Variants in NCOA1 observed in about 807,000 individuals in gnomAD.
NCOA1 encodes Hin-2 protein.
NCOA1 carries 35 observed loss-of-function variants against 150.9 expected under a neutral mutation model. That is an observed-to-expected ratio of 0.23 (90% CI 0.18 to 0.31). The LOEUF is 0.31. NCOA1 is among the 10% of genes least tolerant of loss of function. The probability of loss-of-function intolerance (pLI) is 1.00; values close to 1 mark genes in which losing one functional copy is unlikely to be tolerated. For missense variants in NCOA1, 1,491 were observed against 1,749.3 expected (o/e 0.85, Z 2.63); for synonymous variants, 590 against 630.0 (o/e 0.94, Z 0.95).
At chr2:24,505,263 C>T (rs976672030) in intron 1 of NCOA1, among the ~76,000 whole-genome samples, 3 of 151,578 alleles carry the variant, frequency 2.0e-5, no homozygotes, top group Non-Finnish European at 4.4e-5. Flanking sequence ...CTCGGCTCAC[C>T]GCAACCTCCG....
intron 6 of NCOA1, among the ~76,000 whole-genome samples, chr2:24,672,975 A>G (rs947532209): frequency 8.5e-5 from 13 of 152,192 alleles, no homozygotes; most frequent in Non-Finnish European, 1.5e-4. Flanking sequence ...TCTCTCTTCA[A>G]TGGCACTTGA....
Position 24,739,495 on chromosome 2 carries a change from A to G in NCOA1, c.3265A>G (p.Asn1089Asp), listed in dbSNP as rs773024847. Reference sequence around the variant, plus strand: ...TGCAGCAACTGCTCCTGTTGGCATCAATATGAGATCAGGCATGCAACAGCA... The same window carrying G: ...TGCAGCAACTGCTCCTGTTGGCATCGATATGAGATCAGGCATGCAACAGCA... ...QFAATAPVGI[N>D]MRSGMQQQIT... Residue 1089 changes from asparagine to aspartate, a missense_variant, in exon 18 of 23, where the codon AAT becomes GAT. By Grantham distance (23) the Asn-to-Asp change is conservative (BLOSUM62 1). Transcript: ENST00000348332. 1.7e-5 allele frequency: 28 copies of G among 1,613,860 alleles called. No individual in the cohort carries two copies. The highest frequency in any genetic ancestry group is 2.4e-5 in the Non-Finnish European group (28 of 1,179,870).
intron 2 of NCOA1, among the ~76,000 whole-genome samples, chr2:24,569,977 A>G (rs544152637): frequency 1.4e-4 from 22 of 151,850 alleles, no homozygotes; most frequent in African/African-American, 5.3e-4. Context: ...AAATGCAAGC[A>G]GAAAGTAGAT....
chr2:24,516,825 C>CTT (rs200648189), intron 1 of NCOA1, among the ~76,000 whole-genome samples: 6,672 of 115,774 alleles, frequency 0.058, 322 homozygotes, highest in East Asian at 0.17. Flanking sequence ...ATCCAGCTTT[C>CTT]TTTTTTTTTT....
intron 10 of NCOA1, among the ~76,000 whole-genome samples, chr2:24,693,711 T>C (rs1311604612): frequency 1.3e-5 from 2 of 150,612 alleles, no homozygotes; most frequent in African/African-American, 4.9e-5. Flanking sequence ...TTTACTATTA[T>C]GCTTAAACGT....
At chr2:24,560,030 T>A (rs1444707695) in intron 1 of NCOA1, among the ~76,000 whole-genome samples, 1 of 152,156 alleles carries the variant, frequency 6.6e-6, no homozygotes, top group Non-Finnish European at 1.5e-5. Context: ...AGACACCTCC[T>A]GCACACTTCC....
At chr2:24,577,308 A>G (rs1004051177) in intron 2 of NCOA1, among the ~76,000 whole-genome samples, 1 of 152,256 alleles carries the variant, frequency 6.6e-6, no homozygotes, top group Non-Finnish European at 1.5e-5. Context: ...TTCAAACACT[A>G]TTAATTGTGA....
chr2:24,540,211 G>A (rs1057056797), intron 1 of NCOA1, among the ~76,000 whole-genome samples: 1 of 152,084 alleles, frequency 6.6e-6, no homozygotes, highest in Admixed American at 6.6e-5. Flanking sequence ...CAACAAAAAA[G>A]AACTTAGGAT....
chr2:24,552,313 CATATATATTATATATATATATAT>C (rs1198298637), intron 1 of NCOA1, among the ~76,000 whole-genome samples: 28 of 80,252 alleles, frequency 3.5e-4, no homozygotes, highest in African/African-American at 1.6e-3. Flanking sequence ...CACTGTGCTT[CATATATATTATATATATATATAT>C]ATATATATAT....
At chr2:24,661,497 C>T (rs1671182497) in intron 5 of NCOA1, among the ~76,000 whole-genome samples, 1 of 152,122 alleles carries the variant, frequency 6.6e-6, no homozygotes, top group African/African-American at 2.4e-5. Flanking sequence ...CATACAGAGC[C>T]ATAGGTTTTC....
intron 1 of NCOA1, 199 bp downstream of exon 1, chr2:24,491,801 G>A (rs1662972521): frequency 6.6e-6 from 1 of 151,846 alleles, no homozygotes; most frequent in Admixed American, 6.6e-5. Context: ...GGTCGCAGCT[G>A]TCACGGGCAC....
At chr2:24,647,985 C>A (rs1572539280) in intron 4 of NCOA1, among the ~76,000 whole-genome samples, 1 of 152,098 alleles carries the variant, frequency 6.6e-6, no homozygotes, top group Non-Finnish European at 1.5e-5. Flanking sequence ...CTATTGAGAA[C>A]CCCGGAAAAT....
chr2:24,767,941 A>C, intron 22 of NCOA1: 2 of 740,958 alleles, frequency 2.7e-6, no homozygotes, highest in Non-Finnish European at 4.4e-6. Flanking sequence ...AATCTTGGCA[A>C]CATTAGCAAT....
intron 3 of NCOA1, among the ~76,000 whole-genome samples, chr2:24,614,844 A>T (rs1668805798): frequency 6.6e-6 from 1 of 152,246 alleles, no homozygotes; most frequent in African/African-American, 2.4e-5. Context: ...CATATATTGT[A>T]AGCATGCACT....
chr2:24,742,201 A>C lies in NCOA1; in HGVS notation c.3706+15A>C, dbSNP rs746760906. The C allele has an allele frequency of 1.3e-5, 20 of 1,596,688 alleles. No homozygotes were observed. The South Asian group carries it at 2.1e-4, about 16-fold the overall frequency. ...TCCAGGAGCAGGTAGGAAGGTCACA[A>C]CTTTATGTTGTTCTAAGTAATCCAT... is the stretch of plus-strand genomic sequence containing the variant. On this transcript the variant is annotated intron_variant, in intron 19 of 22. Coordinates refer to ENST00000348332, the MANE Select transcript of NCOA1 (RefSeq NM_003743.5).
Position 24,729,537 on chromosome 2 carries a change from C to T in NCOA1, c.2923C>T (p.Pro975Ser). 1 of 1,614,066 alleles carries T rather than the reference C, an allele frequency of 6.2e-7. No homozygotes were observed. The highest frequency in any genetic ancestry group is 8.5e-7 in the Non-Finnish European group (1 of 1,179,952). Residue 975 changes from proline (P) to serine (S), a missense_variant, in exon 17 of 23, where the codon CCA (proline) becomes TCA (serine). Physicochemically the swap from Pro to Ser is moderately conservative, Grantham distance 74 (BLOSUM62 -1). This residue lies in a region of NCOA1 where 485 missense variants were observed against 522.8 expected (regional missense o/e 0.93). Coordinates refer to ENST00000348332, the MANE Select transcript of NCOA1 (RefSeq NM_003743.5). ...GLDVLSERFP[P>S]QQATPPLIME... ...AGATGTATTATCAGAGAGATTTCCACCACAACAAGCAACGCCACCTTTGAT... is the reference window on the plus strand; with the variant it reads ...AGATGTATTATCAGAGAGATTTCCATCACAACAAGCAACGCCACCTTTGAT...
intron 1 of NCOA1, among the ~76,000 whole-genome samples, chr2:24,510,757 A>T (rs868508161): frequency 6.6e-6 from 1 of 151,660 alleles, no homozygotes; most frequent in Admixed American, 6.6e-5. Context: ...TTCTTTTTGT[A>T]CTCTGGGGAC....
Position 24,533,587 on chromosome 2 carries a change from C to T in NCOA1, c.-395-30708C>T, listed in dbSNP as rs181680213. ...AGTATGATATTGGCTGTGGGTTTCT[C>T]ATAAATAGCTCTTATTATTTTGAGA... On this transcript the variant is annotated intron_variant, in intron 1 of 22. Transcript: ENST00000348332. Among the ~76,000 whole-genome samples, 946 of 152,248 alleles carry T rather than the reference C, an allele frequency of 6.2e-3. 13 individuals carry two copies. Among genetic ancestry groups the T allele is most frequent in the African/African-American group, 0.021 (867 of 41,536 alleles).
At chr2:24,713,548 A>G (rs56293917) in intron 14 of NCOA1, among the ~76,000 whole-genome samples, 37,850 of 152,152 alleles carry the variant, frequency 0.25, 4,885 homozygotes, top group Non-Finnish European at 0.29. Context: ...ATTTGAGAAA[A>G]AGGACTTCTA....
Sources: allele counts gnomAD v4.1 joint callset (sites outside exome capture counted in the v4.1 genomes callset), GRCh38; gene constraint gnomAD v4.1.1; regional missense constraint gnomAD v4.1.1; transcripts MANE v1.5; gene names NCBI Gene and HGNC (gene_info 2026-07-23, HGNC 2026-07-21).